The following CENPP variants were observed in gnomAD, a reference collection of about 807,000 sequenced individuals.
The protein encoded by CENPP is centromere protein P.
A neutral mutation model predicts 35.6 loss-of-function variants in CENPP; 24 were observed. The observed-to-expected ratio is 0.67, with a 90% CI of 0.49 to 0.95. The LOEUF (loss-of-function observed/expected upper bound fraction) is 0.95. Among genes scored for constraint, CENPP ranks in the 40% least tolerant of loss-of-function variants. The pLI is 0.00. For missense variants in CENPP, 332 were observed against 345.3 expected (o/e 0.96, Z 0.31); for synonymous variants, 120 against 125.5 (o/e 0.96, Z 0.29).
chr9:92,461,971 T>C (rs973096937), intron 5 of CENPP, among the ~76,000 whole-genome samples: 2 of 151,894 alleles, frequency 1.3e-5, no homozygotes, highest in African/African-American at 4.8e-5. Context: ...GTATTTATTC[T>C]TTCTTTTCTT....
At position 92,616,092 on chromosome 9, in the gene CENPP, G is replaced by GCC; in HGVS notation, c.*2948_*2949dup. 3 of 1,451,220 alleles carry GCC rather than the reference G, an allele frequency of 2.1e-6. No individual in the cohort carries two copies. Among genetic ancestry groups the GCC allele is most frequent in the Non-Finnish European group, 2.9e-6 (3 of 1,042,330 alleles). 89.9% of individuals were successfully genotyped at this position (1,451,220 alleles called of 1,614,324 possible). On this transcript the variant is annotated 3_prime_UTR_variant, in exon 8 of 8. Coordinates refer to ENST00000375587, the MANE Select transcript of CENPP (RefSeq NM_001012267.3). ...AAAAGTACCATTTCAGGATACACAAGCCCCCCATTCATTTCCCTCCCTCCC... is the reference window on the plus strand; with the variant it reads ...AAAAGTACCATTTCAGGATACACAAGCCCCCCCCATTCATTTCCCTCCCTCCC...
At chr9:92,400,563 A>C (rs1843071470) in intron 5 of CENPP, among the ~76,000 whole-genome samples, 1 of 152,232 alleles carries the variant, frequency 6.6e-6, no homozygotes. Context: ...AGAAATTAAT[A>C]TGTGGTTTTT....
Position 92,522,726 on chromosome 9 carries a change from G to A in CENPP, c.565-88588G>A, listed in dbSNP as rs751990159. On this transcript the variant is annotated intron_variant, in intron 5 of 7. Coordinates refer to ENST00000375587, the MANE Select transcript of CENPP (RefSeq NM_001012267.3). ...GAATTCCAAGCTGTCTGTTTGATCT[G>A]TGCTTGTGTGAGGTTGAACTTTTCC... The A allele has an allele frequency of 9.3e-6, 15 of 1,614,006 alleles. No individual in the cohort carries two copies. The African/African-American group carries it at 1.7e-4, about 19-fold the overall frequency.
At chr9:92,385,717 A>G (rs777501525) in intron 5 of CENPP, 19 of 1,614,174 alleles carry the variant, frequency 1.2e-5, no homozygotes, top group African/African-American at 5.3e-5. Flanking sequence ...TATCTCTTCA[A>G]TGCGGTCCCG....
At chr9:92,382,284 G>C (rs1408225171) in intron 5 of CENPP, among the ~76,000 whole-genome samples, 1 of 151,946 alleles carries the variant, frequency 6.6e-6, no homozygotes, top group African/African-American at 2.4e-5. Flanking sequence ...GGGGTACATA[G>C]TGGTGTTTCA....
chr9:92,544,078 G>T (rs1029703899), intron 5 of CENPP, among the ~76,000 whole-genome samples: 47 of 152,208 alleles, frequency 3.1e-4, no homozygotes, highest in Non-Finnish European at 3.8e-4. Flanking sequence ...ATGTTGAATA[G>T]AAGTTGCGTG....
At chr9:92,442,792 T>A (rs985775355) in intron 5 of CENPP, among the ~76,000 whole-genome samples, 1 of 150,450 alleles carries the variant, frequency 6.6e-6, no homozygotes, top group Non-Finnish European at 1.5e-5. Flanking sequence ...GAGCTTGCAG[T>A]GAGCCGAGAT....
chr9:92,393,113 G>T (rs1398487928), intron 5 of CENPP: 2 of 1,613,554 alleles, frequency 1.2e-6, no homozygotes, highest in Middle Eastern at 1.7e-4. Context: ...TTGGCAGTCA[G>T]CTTTTTAATT....
At chr9:92,431,051 C>T (rs1844095348) in intron 5 of CENPP, among the ~76,000 whole-genome samples, 1 of 152,164 alleles carries the variant, frequency 6.6e-6, no homozygotes, top group Non-Finnish European at 1.5e-5. Context: ...GCTTCAGCCT[C>T]CCAATGTGCT....
rs192588294 is a variant in CENPP, at chr9:92,533,173, G to A, written c.565-78141G>A. 4.7e-3 allele frequency among the ~76,000 whole-genome samples: 702 copies of A among 150,112 alleles called. 4 individuals are homozygous for A. Among genetic ancestry groups the A allele is most frequent in the African/African-American group, 0.015 (595 of 40,892 alleles). ...AAATTAGCTGGGTGTGGTGGCACGC[G>A]CGTGTAGTCCCAGATACTCAGGAAG... On this transcript the variant is annotated intron_variant, in intron 5 of 7. Coordinates refer to ENST00000375587, the MANE Select transcript of CENPP (RefSeq NM_001012267.3).
At chr9:92,570,915 G>A (rs1850120556) in intron 5 of CENPP, among the ~76,000 whole-genome samples, 1 of 152,096 alleles carries the variant, frequency 6.6e-6, no homozygotes, top group Non-Finnish European at 1.5e-5. Context: ...CTGTGGGATT[G>A]GTGGTGATAT....
At chr9:92,466,705 T>C (rs1236364167) in intron 5 of CENPP, 14 of 773,750 alleles carry the variant, frequency 1.8e-5, no homozygotes, top group Middle Eastern at 7.3e-4. Context: ...GTAAAAACTT[T>C]CCCAGCCCAA....
chr9:92,436,189 T>C (rs917888077), intron 5 of CENPP, among the ~76,000 whole-genome samples: 2 of 152,234 alleles, frequency 1.3e-5, no homozygotes, highest in African/African-American at 2.4e-5. Context: ...ATGTGCTTAT[T>C]TGCTATCTGT....
chr9:92,364,111 A>G (rs941245527), intron 4 of CENPP, among the ~76,000 whole-genome samples: 1 of 151,958 alleles, frequency 6.6e-6, no homozygotes, highest in Non-Finnish European at 1.5e-5. Flanking sequence ...TGGCATCCCA[A>G]AGTGCTGGGA....
At chr9:92,551,300 T>G (rs1300728566) in intron 5 of CENPP, among the ~76,000 whole-genome samples, 1 of 152,024 alleles carries the variant, frequency 6.6e-6, no homozygotes, top group Non-Finnish European at 1.5e-5. Flanking sequence ...AGTATAGAAG[T>G]CTTATTGTGA....
intron 5 of CENPP, among the ~76,000 whole-genome samples, chr9:92,571,765 T>C (rs1264686087): frequency 1.3e-5 from 2 of 152,356 alleles, no homozygotes; most frequent in East Asian, 3.9e-4. Flanking sequence ...TGGGTGCTCC[T>C]GTATTGGGTG....
intron 5 of CENPP, among the ~76,000 whole-genome samples, chr9:92,449,624 C>A (rs1159766382): frequency 6.6e-6 from 1 of 152,022 alleles, no homozygotes; most frequent in African/African-American, 2.4e-5. Context: ...AAATTTTAAT[C>A]CCCAATGTTG....
At chr9:92,365,443 T>G (rs1267782203) in intron 4 of CENPP, among the ~76,000 whole-genome samples, 1 of 140,618 alleles carries the variant, frequency 7.1e-6, no homozygotes, top group Non-Finnish European at 1.5e-5. Flanking sequence ...CAGAGTCTCG[T>G]GCTCTCACTC....
chr9:92,371,653 A>G (rs183979938), intron 4 of CENPP, among the ~76,000 whole-genome samples: 20 of 152,188 alleles, frequency 1.3e-4, no homozygotes, highest in East Asian at 5.8e-4. Flanking sequence ...TTTAAATCCA[A>G]TGTTTTTTGT....
Sources: gnomAD v4.1 joint callset for allele counts (sites outside exome capture counted in the v4.1 genomes callset) on GRCh38, gnomAD v4.1.1 for gene constraint, MANE v1.5 for transcripts, NCBI Gene and HGNC (gene_info 2026-07-23, HGNC 2026-07-21) for gene names.